The following MUC20 variants were observed in gnomAD, a reference collection of about 807,000 sequenced individuals.
MUC20 encodes the protein mucin 20, cell surface associated.
A neutral mutation model predicts 23.8 loss-of-function variants in MUC20; 14 were observed. The ratio of observed to expected loss-of-function variants is 0.59; its 90% confidence interval spans 0.39 to 0.92. The LOEUF is 0.92. Among genes scored for constraint, MUC20 ranks in the 40% least tolerant of loss-of-function variants. The pLI is 0.00. For missense variants in MUC20, 375 were observed against 668.8 expected (o/e 0.56, Z 4.85); for synonymous variants, 166 against 279.3 (o/e 0.59, Z 4.04).
chr3:195,723,143 G>C (rs1712317814), intron 1 of MUC20, among the ~76,000 whole-genome samples: 1 of 151,696 alleles, frequency 6.6e-6, no homozygotes, highest in South Asian at 2.1e-4. Flanking sequence ...GTCAGGATTT[G>C]AACCAGCAGA....
chr3:195,733,375 G>A lies in MUC20; in HGVS notation c.*157G>A. The A allele has an allele frequency of 2.7e-6, 4 of 1,473,182 alleles. No individual in the cohort carries two copies. The highest frequency in any genetic ancestry group is 3.6e-6 in the Non-Finnish European group (4 of 1,111,708). 91.3% of individuals were successfully genotyped at this position (1,473,182 alleles called of 1,614,324 possible). A position where few individuals can be genotyped will look rare whatever the true frequency, so the allele number is the denominator to read the frequency against. ...CATGTCCAAGCCCCTGACCCCAGAT[G>A]TGGCAACAGGACCCTCGCTCACATC... On this transcript the variant is annotated 3_prime_UTR_variant, in exon 4 of 4. Coordinates refer to ENST00000447234, the MANE Select transcript of MUC20 (RefSeq NM_001282506.2).
rs555393245 is a variant in MUC20 at position 195,727,790 on chromosome 3, C to T, written c.1969+1218C>T. ...TATCTGATGCCAGGCAGTGTGCCAC[C>T]GGCTTTGTATATGTTATCTGATGCC... is the stretch of plus-strand genomic sequence containing the variant. On this transcript the variant is annotated intron_variant, in intron 2 of 3. Transcript: ENST00000447234. 3.9e-4 allele frequency among the ~76,000 whole-genome samples: 60 copies of T among 152,310 alleles called. No homozygotes were observed. The East Asian group carries it at 9.7e-3, about 25-fold the overall frequency.
At position 195,733,263 on chromosome 3, in the gene MUC20, G is replaced by A. The variant is rs1560189866; in HGVS notation, c.*45G>A. On this transcript the variant is annotated 3_prime_UTR_variant, in exon 4 of 4. Transcript: ENST00000447234. ...GGCATGTCCCGTATGCCAAAAGAGG[G>A]TGCTGCCCCTAGCCTGGGCCCCCAC... 1 of 1,561,198 alleles carries A rather than the reference G, an allele frequency of 6.4e-7. No individual in the cohort carries two copies. The highest frequency in any genetic ancestry group is 8.7e-7 in the Non-Finnish European group (1 of 1,153,112).
At chr3:195,730,312 C>T (rs1713248321) in intron 3 of MUC20, among the ~76,000 whole-genome samples, 2 of 152,268 alleles carry the variant, frequency 1.3e-5, no homozygotes, top group African/African-American at 4.8e-5. Context: ...GGACTTCCAT[C>T]TCCCCACATT....
chr3:195,728,805 A>G (rs912954854), intron 2 of MUC20, among the ~76,000 whole-genome samples: 1 of 152,200 alleles, frequency 6.6e-6, no homozygotes. Flanking sequence ...GGCTTTCCAC[A>G]GTGCATTGTG....
chr3:195,723,534 C>CG (rs1712359298), intron 1 of MUC20, among the ~76,000 whole-genome samples: 1 of 118,766 alleles, frequency 8.4e-6, no homozygotes, highest in Non-Finnish European at 1.8e-5. Flanking sequence ...TTTCAGGTAA[C>CG]AATTTTTTTT....
rs370231852 is a variant in MUC20, at chr3:195,725,972, G to A, written c.1369G>A (p.Asp457Asn). The change falls in exon 2 of 4, where the codon GAT (aspartate) becomes AAT (asparagine). Residue 457 changes from aspartate (D) to asparagine (N), a missense_variant. Physicochemically the swap from Asp to Asn is conservative, Grantham distance 23. Coordinates refer to ENST00000447234, the MANE Select transcript of MUC20 (RefSeq NM_001282506.2). ...AGGGGTGAAGGCCTCGTCCACCTCC[G>A]ATCCACCAGCTCTGCCTGACTCCAC... ...TEGVKASSTSDPPALPDSTEA... is the reference protein window; with the variant it reads ...TEGVKASSTSNPPALPDSTEA... 22 of 1,613,910 alleles carry A rather than the reference G, an allele frequency of 1.4e-5. No homozygotes were observed. Among genetic ancestry groups the A allele is most frequent in the Middle Eastern group, 1.7e-4 (1 of 6,060 alleles).
chr3:195,729,967 G>C (rs1346790144), intron 3 of MUC20: 22 of 572,346 alleles, frequency 3.8e-5, no homozygotes, highest in African/African-American at 3.2e-4. Flanking sequence ...GTGACTCCTA[G>C]AGCCCCCAGT....
At chr3:195,729,819 C>A in intron 3 of MUC20, 80 bp downstream of exon 3, 1 of 1,336,718 alleles carries the variant, frequency 7.5e-7, no homozygotes, top group Non-Finnish European at 1.0e-6. Flanking sequence ...CCGCAGGACA[C>A]AGAAGAGCAG....
intron 3 of MUC20, 96 bp downstream of exon 3, chr3:195,729,835 G>A (rs546522326): frequency 1.8e-5 from 22 of 1,203,432 alleles, no homozygotes; most frequent in East Asian, 5.1e-5. Context: ...AGCAGCTACC[G>A]CGCTTGGAAG....
At chr3:195,722,563 T>A (rs1472335295) in intron 1 of MUC20, 1 of 991,620 alleles carries the variant, frequency 1.0e-6, no homozygotes, top group Non-Finnish European at 1.2e-6. Context: ...GGGCTGGGAT[T>A]TGCTGTATTC....
intron 2 of MUC20, among the ~76,000 whole-genome samples, chr3:195,728,334 A>G (rs941570537): frequency 6.6e-6 from 1 of 152,284 alleles, no homozygotes; most frequent in Non-Finnish European, 1.5e-5. Context: ...GAGCAGGGTG[A>G]TAATAAGGAG....
Position 195,724,941 on chromosome 3 carries a change from CAGCCGCCAGTGGCAGCCCCGAGGG to C in MUC20, c.342_365del (p.Ala115_Ala122del). 6.4e-7 allele frequency: 1 copy of C among 1,563,302 alleles called. No individual in the cohort carries two copies. Among genetic ancestry groups the C allele is most frequent in the Middle Eastern group, 1.7e-4 (1 of 5,926 alleles). On this transcript the variant is annotated inframe_deletion, in exon 2 of 4. Transcript: ENST00000447234. ...CTGATCGCCACCTCCGTGGAGACAT[CAGCCGCCAGTGGCAGCCCCGAGGG>C]AGCTGGAATGACCACAGTTCAGACC...
chr3:195,733,342 A>T lies in MUC20; in HGVS notation c.*124A>T. 6.6e-7 allele frequency: 1 copy of T among 1,510,766 alleles called. No homozygotes were observed. The highest frequency in any genetic ancestry group is 1.3e-5 in the South Asian group (1 of 77,518). 93.6% of individuals were successfully genotyped at this position (1,510,766 alleles called of 1,614,324 possible). On this transcript the variant is annotated 3_prime_UTR_variant, in exon 4 of 4. Coordinates refer to ENST00000447234, the MANE Select transcript of MUC20 (RefSeq NM_001282506.2). Reference sequence around the variant, plus strand: ...GAGAGGTACCCAGAAGGTTCCCATGAAGGGCAGCATGTCCAAGCCCCTGAC... The same window carrying T: ...GAGAGGTACCCAGAAGGTTCCCATGTAGGGCAGCATGTCCAAGCCCCTGAC...
At chr3:195,731,018 A>G (rs1278476043) in intron 3 of MUC20, among the ~76,000 whole-genome samples, 1 of 152,236 alleles carries the variant, frequency 6.6e-6, no homozygotes, top group Non-Finnish European at 1.5e-5. Context: ...TGTGTGGTAC[A>G]AAGTAGCAGA....
chr3:195,727,324 C>T lies in MUC20; in HGVS notation c.1969+752C>T, dbSNP rs923696606. ...CTGAGGCAGGAGAATCACTTGAACC[C>T]GGGAGGTGGAGGTTACAGTGAGCTG... On this transcript the variant is annotated intron_variant, in intron 2 of 3. Transcript: ENST00000447234. 4.6e-5 allele frequency among the ~76,000 whole-genome samples: 7 copies of T among 152,246 alleles called. No individual in the cohort carries two copies. In the South Asian group the frequency reaches 1.0e-3, roughly 23 times the overall value.
rs560894654 is a variant in MUC20 at position 195,733,286 on chromosome 3, C to T, written c.*68C>T. On this transcript the variant is annotated 3_prime_UTR_variant, in exon 4 of 4. Transcript: ENST00000447234. ...GGGTGCTGCCCCTAGCCTGGGCCCC[C>T]ACCGACAGACTGCAGCTGCGTTACT... 1.4e-3 allele frequency: 2,212 copies of T among 1,552,196 alleles called. No individual in the cohort carries two copies. The highest frequency in any genetic ancestry group is 3.2e-3 in the Middle Eastern group (19 of 5,984).
chr3:195,721,941 T>TG (rs1712160215), intron 1 of MUC20: 2 of 152,708 alleles, frequency 1.3e-5, no homozygotes, highest in African/African-American at 4.8e-5. Flanking sequence ...GCAGGAGAAT[T>TG]GCTTGAACCT....
Position 195,726,592 on chromosome 3 carries a change from G to A in MUC20, c.1969+20G>A. On this transcript the variant is annotated intron_variant, in intron 2 of 3. Coordinates refer to ENST00000447234, the MANE Select transcript of MUC20 (RefSeq NM_001282506.2). ...GTGCAGGTAAGTGGCTCCTGCTGGT[G>A]ATCTTCGGGGATTTGGGATGCGGAG... 6.3e-7 allele frequency: 1 copy of A among 1,594,488 alleles called. No homozygotes were observed. The highest frequency in any genetic ancestry group is 8.6e-7 in the Non-Finnish European group (1 of 1,167,784).
Sources: gnomAD v4.1 joint callset for allele counts (sites outside exome capture counted in the v4.1 genomes callset) on GRCh38, gnomAD v4.1.1 for gene constraint, MANE v1.5 for transcripts, NCBI Gene and HGNC (gene_info 2026-07-23, HGNC 2026-07-21) for gene names.